The following PRKAG2 variants were observed in gnomAD, a reference collection of about 807,000 sequenced individuals.
PRKAG2 encodes the protein protein kinase AMP-activated non-catalytic subunit gamma 2.
Under a neutral mutation model 69.6 loss-of-function variants are expected in PRKAG2, and 26 were observed. The ratio of observed to expected loss-of-function variants is 0.37; its 90% confidence interval spans 0.27 to 0.52. PRKAG2 has a LOEUF of 0.52. Among genes scored for constraint, PRKAG2 ranks in the 20% least tolerant of loss-of-function variants. PRKAG2 has a pLI of 0.90. For synonymous variants in PRKAG2, 293 were observed against 285.0 expected, an observed-to-expected ratio of 1.03 and a Z score of -0.28; for missense variants, 557 against 740.0, an observed-to-expected ratio of 0.75 and a Z score of 2.87.
intron 3 of PRKAG2, among the ~76,000 whole-genome samples, chr7:151,751,497 T>G (rs4725426): frequency 0.11 from 16,532 of 145,196 alleles, 999 homozygotes; most frequent in Admixed American, 0.18. Context: ...AACTACTCTA[T>G]TTATTATTTA....
In PRKAG2 at chr7:151,876,802, G is replaced by T. The variant is rs922407737; in HGVS notation, c.-182C>A. 3 of 667,890 alleles carry T rather than the reference G, an allele frequency of 4.5e-6. No individual in the cohort carries two copies. Among genetic ancestry groups the T allele is most frequent in the Admixed American group, 2.4e-5 (1 of 41,622 alleles). 41.4% of individuals were successfully genotyped at this position (667,890 alleles called of 1,614,324 possible). ...TCGCGCGGCCGCCGCCGCCGCCGAA[G>T]CGCCGAATTCAAGCGTCCTTTCCTA... On this transcript the variant is annotated 5_prime_UTR_variant, in exon 1 of 16. Transcript: ENST00000287878.
intron 4 of PRKAG2, among the ~76,000 whole-genome samples, chr7:151,640,331 G>A (rs117756260): frequency 0.024 from 3,664 of 152,082 alleles, 61 homozygotes; most frequent in Non-Finnish European, 0.035. Context: ...AAACAAAACA[G>A]ACTTATTATT....
chr7:151,753,189 C>T (rs749000432), intron 3 of PRKAG2, among the ~76,000 whole-genome samples: 3 of 152,198 alleles, frequency 2.0e-5, no homozygotes, highest in East Asian at 1.9e-4. Flanking sequence ...GAAAGGACAA[C>T]GAAACAAAAC....
intron 3 of PRKAG2, among the ~76,000 whole-genome samples, chr7:151,747,753 T>C (rs1423819154): frequency 6.6e-6 from 1 of 152,076 alleles, no homozygotes; most frequent in Non-Finnish European, 1.5e-5. Context: ...ACAAAAGTCA[T>C]TCTACCACTT....
At chr7:151,675,190 G>T in intron 4 of PRKAG2, 1 of 532,316 alleles carries the variant, frequency 1.9e-6, no homozygotes, top group South Asian at 1.8e-5. Flanking sequence ...CAAAGTGCTG[G>T]GACTACAGGT....
rs2076425976 is a variant in PRKAG2 at position 151,777,405 on chromosome 7, G to A, written c.466+3747C>T. 1.3e-5 allele frequency among the ~76,000 whole-genome samples: 2 copies of A among 152,182 alleles called. No homozygotes were observed. Among genetic ancestry groups the A allele is most frequent in the Non-Finnish European group, 2.9e-5 (2 of 68,020 alleles). On this transcript the variant is annotated intron_variant, in intron 3 of 15. Coordinates refer to ENST00000287878, the MANE Select transcript of PRKAG2 (RefSeq NM_016203.4). The surrounding 1 kb of genome is among the most constrained non-coding windows in gnomAD (Gnocchi z 4.3). Reference sequence around the variant, plus strand: ...TTGGATCCCCGGTGTTGGAGGTGGGGCCCCGTGGGAGGTGTTTGGGTCCTG... The same window carrying A: ...TTGGATCCCCGGTGTTGGAGGTGGGACCCCGTGGGAGGTGTTTGGGTCCTG...
rs71198737 is a variant in PRKAG2 at position 151,857,399 on chromosome 7, C to CAAAA, written c.114+19104_114+19107dup. Among the ~76,000 whole-genome samples the CAAAA allele has an allele frequency of 1.6e-3, 201 of 122,948 alleles. 3 individuals are homozygous for CAAAA. The highest frequency in any genetic ancestry group is 5.4e-3 in the African/African-American group (174 of 32,512). 80.7% of individuals were successfully genotyped at this position (122,948 alleles called of 152,430 possible). ...TGGACCCATCAGCAACTGGAAGTAC[C>CAAAA]AAAAAAAAAAAAAAAAAGACTTCAT... On this transcript the variant is annotated intron_variant, in intron 1 of 15. Coordinates refer to ENST00000287878, the MANE Select transcript of PRKAG2 (RefSeq NM_016203.4).
chr7:151,713,106 A>G (rs1186306663), intron 3 of PRKAG2, among the ~76,000 whole-genome samples: 1 of 152,184 alleles, frequency 6.6e-6, no homozygotes, highest in Non-Finnish European at 1.5e-5. Context: ...GGCACTGTCA[A>G]ATCGAGGCAG....
intron 1 of PRKAG2, among the ~76,000 whole-genome samples, chr7:151,845,754 C>T (rs62480474): frequency 1.3e-5 from 2 of 151,652 alleles, no homozygotes; most frequent in Non-Finnish European, 1.5e-5. Flanking sequence ...CAAAACACTG[C>T]GGGGGCGGGA....
At chr7:151,604,391 C>T (rs778430265) in intron 5 of PRKAG2, among the ~76,000 whole-genome samples, 2 of 152,166 alleles carry the variant, frequency 1.3e-5, no homozygotes, top group Admixed American at 6.5e-5. Flanking sequence ...AATTCCAGCA[C>T]TTTGGGAGGC....
intron 2 of PRKAG2, 42 bp downstream of exon 2, chr7:151,786,428 C>T (rs772052737): frequency 1.2e-5 from 19 of 1,561,892 alleles, no homozygotes; most frequent in African/African-American, 1.3e-5. Context: ...CTCCGTGGCA[C>T]CTCAAGTGAG....
chr7:151,574,209 T>TA, intron 8 of PRKAG2, among the ~76,000 whole-genome samples: 1 of 152,276 alleles, frequency 6.6e-6, no homozygotes, highest in East Asian at 1.9e-4. Flanking sequence ...TAGGACTAGT[T>TA]AAATAAGAGT....
chr7:151,673,911 C>A (rs543989299), intron 4 of PRKAG2, among the ~76,000 whole-genome samples: 52 of 146,908 alleles, frequency 3.5e-4, no homozygotes, highest in African/African-American at 1.2e-3. Flanking sequence ...GGTGCAATCT[C>A]GGCTCACTGC....
intron 5 of PRKAG2, among the ~76,000 whole-genome samples, chr7:151,630,888 C>T (rs1007073215): frequency 6.6e-6 from 1 of 152,336 alleles, no homozygotes; most frequent in Middle Eastern, 3.4e-3. Flanking sequence ...TTCTGAAATG[C>T]ACCATTTGTT....
At position 151,567,591 on chromosome 7, in the gene PRKAG2, C is replaced by G. The variant is rs972431053; in HGVS notation, c.1233+1125G>C. On this transcript the variant is annotated intron_variant, in intron 11 of 15. Coordinates refer to ENST00000287878, the MANE Select transcript of PRKAG2 (RefSeq NM_016203.4). This position sits in a 1 kb window ranked among gnomAD's most constrained non-coding sequence, Gnocchi z 4.2. ...GCGGCTGCATTCCCAGATGTCCAGT[C>G]TGATAAACAATGCGGATGCATCCCT... is the stretch of plus-strand genomic sequence containing the variant. Among the ~76,000 whole-genome samples, 3 of 152,196 alleles carry G rather than the reference C, an allele frequency of 2.0e-5. No individual in the cohort carries two copies. Among genetic ancestry groups the G allele is most frequent in the Non-Finnish European group, 2.9e-5 (2 of 68,030 alleles).
chr7:151,838,047 C>T (rs116083403), intron 1 of PRKAG2, among the ~76,000 whole-genome samples: 3,950 of 152,156 alleles, frequency 0.026, 179 homozygotes, highest in African/African-American at 0.091. Flanking sequence ...GGAGGCCACA[C>T]CTGGGCCTCG....
chr7:151,849,059 T>C (rs2079508387), intron 1 of PRKAG2, among the ~76,000 whole-genome samples: 1 of 152,166 alleles, frequency 6.6e-6, no homozygotes, highest in Non-Finnish European at 1.5e-5. Flanking sequence ...CAGGGTGTTC[T>C]GAACGAAAAT....
chr7:151,864,522 C>T (rs1445167644), intron 1 of PRKAG2, among the ~76,000 whole-genome samples: 1 of 152,218 alleles, frequency 6.6e-6, no homozygotes, highest in African/African-American at 2.4e-5. Flanking sequence ...CTTCCCCAGA[C>T]CAGGTTGGTA....
chr7:151,575,897 A>C (rs1434189683), intron 7 of PRKAG2, among the ~76,000 whole-genome samples: 1 of 115,502 alleles, frequency 8.7e-6, no homozygotes, highest in African/African-American at 4.0e-5. Flanking sequence ...ATGAGGCGGC[A>C]AAAAAAAAAA....
Sources: allele counts gnomAD v4.1 joint callset (sites outside exome capture counted in the v4.1 genomes callset), GRCh38; gene constraint gnomAD v4.1.1; non-coding constraint Gnocchi (gnomAD v3.1); transcripts MANE v1.5; gene names NCBI Gene and HGNC (gene_info 2026-07-23, HGNC 2026-07-21).